ITPR2: variants seen among roughly 807,000 people sequenced by gnomAD.
ITPR2 encodes the protein inositol 1,4,5-trisphosphate-gated calcium channel ITPR2.
Under a neutral mutation model 317.1 loss-of-function variants are expected in ITPR2, and 207 were observed. The ratio of observed to expected loss-of-function variants is 0.65; its 90% confidence interval spans 0.58 to 0.73. The LOEUF (loss-of-function observed/expected upper bound fraction) is 0.73. Among genes scored for constraint, ITPR2 ranks in the 30% least tolerant of loss-of-function variants. The pLI, the probability that ITPR2 is intolerant of heterozygous loss-of-function variation, is 0.00. For missense variants in ITPR2, 2,613 were observed against 3,284.0 expected (o/e 0.80, Z 4.99); for synonymous variants, 1,156 against 1,149.1 (o/e 1.01, Z -0.12).
intron 34 of ITPR2, among the ~76,000 whole-genome samples, chr12:26,563,143 C>A (rs1212268183): frequency 6.6e-6 from 1 of 152,134 alleles, no homozygotes; most frequent in East Asian, 1.9e-4. Flanking sequence ...ACCTGGAGGA[C>A]AAAGTCAGAG....
intron 45 of ITPR2, among the ~76,000 whole-genome samples, chr12:26,463,804 C>T (rs548379149): frequency 6.6e-6 from 1 of 152,206 alleles, no homozygotes; most frequent in African/African-American, 2.4e-5. Flanking sequence ...TACTTAAAGT[C>T]CTTCAGAATT....
At chr12:26,439,792 C>T (rs181342117) in intron 46 of ITPR2, among the ~76,000 whole-genome samples, 6 of 152,174 alleles carry the variant, frequency 3.9e-5, no homozygotes, top group African/African-American at 1.2e-4. Context: ...CAGAGAAAAG[C>T]GCTTTATATC....
chr12:26,586,329 G>T (rs531618905), intron 32 of ITPR2, among the ~76,000 whole-genome samples: 1 of 151,996 alleles, frequency 6.6e-6, no homozygotes, highest in African/African-American at 2.4e-5. Context: ...GTAGAGACAG[G>T]CTCCCTCTAT....
At chr12:26,616,132 A>ATT (rs1946367741) in intron 26 of ITPR2, among the ~76,000 whole-genome samples, 1 of 86,670 alleles carries the variant, frequency 1.2e-5, no homozygotes, top group Non-Finnish European at 2.3e-5. Flanking sequence ...ATTTATTTTT[A>ATT]TTTTATTTTA....
Position 26,722,380 on chromosome 12 carries a change from A to G in ITPR2, c.525+17T>C. On this transcript the variant is annotated intron_variant, in intron 5 of 56. Transcript: ENST00000381340. ...TTTATGAACCCACTATTTCCCTCTT[A>G]ATTGTATATTACATACATTGTCACC... The G allele has an allele frequency of 6.3e-7, 1 of 1,589,502 alleles. No homozygotes were observed. Among genetic ancestry groups the G allele is most frequent in the Middle Eastern group, 1.7e-4 (1 of 5,964 alleles).
intron 34 of ITPR2, 141 bp downstream of exon 34, chr12:26,578,572 T>C: frequency 1.6e-6 from 1 of 623,648 alleles, no homozygotes; most frequent in Non-Finnish European, 2.6e-6. Flanking sequence ...AATCATTTGC[T>C]GATGGCTGCT....
chr12:26,686,333 C>T, intron 11 of ITPR2, 148 bp downstream of exon 11: 1 of 474,492 alleles, frequency 2.1e-6, no homozygotes, highest in Non-Finnish European at 3.5e-6. Flanking sequence ...TTAACCTCCT[C>T]ACAGAAGAGA....
chr12:26,358,761 G>A (rs541271912), intron 55 of ITPR2, among the ~76,000 whole-genome samples: 2 of 152,192 alleles, frequency 1.3e-5, no homozygotes, highest in African/African-American at 4.8e-5. Flanking sequence ...AAGTGATCCA[G>A]TCTCTGTCCC....
At chr12:26,529,057 T>A (rs75756355) in intron 37 of ITPR2, among the ~76,000 whole-genome samples, 1 of 152,306 alleles carries the variant, frequency 6.6e-6, no homozygotes, top group East Asian at 1.9e-4. Flanking sequence ...TAAGCCTCCA[T>A]CATGTCTCAG....
rs746459644 is a variant in ITPR2, at chr12:26,483,697, C to T, written c.6012+1G>A. 2 of 1,611,812 alleles carry T rather than the reference C, an allele frequency of 1.2e-6. No homozygotes were observed. Among genetic ancestry groups the T allele is most frequent in the East Asian group, 2.2e-5 (1 of 44,880 alleles). ...AATTAGTCATGGATACTTCTGGTTA[C>T]CTGATTTTCATGGCAAGGGCCCTGG... On this transcript the variant is annotated splice_donor_variant, in intron 42 of 56. Coordinates refer to ENST00000381340, the MANE Select transcript of ITPR2 (RefSeq NM_002223.4). LOFTEE classifies it high-confidence loss of function.
chr12:26,406,554 C>T (rs1344084249), intron 52 of ITPR2: 4 of 151,442 alleles, frequency 2.6e-5, no homozygotes, highest in African/African-American at 7.3e-5. Flanking sequence ...GGCCACTCTG[C>T]CTCCTAGTCA....
chr12:26,382,180 C>T (rs988104146), intron 55 of ITPR2, among the ~76,000 whole-genome samples: 1 of 152,066 alleles, frequency 6.6e-6, no homozygotes, highest in Non-Finnish European at 1.5e-5. Flanking sequence ...CCTGTATGGT[C>T]GCTCCTTTTC....
At chr12:26,788,920 G>T (rs728008) in intron 2 of ITPR2, among the ~76,000 whole-genome samples, 2 of 151,902 alleles carry the variant, frequency 1.3e-5, no homozygotes, top group South Asian at 2.1e-4. Flanking sequence ...CTTATCTTTT[G>T]GGTCATTTCA....
At chr12:26,628,838 T>G (rs539757897) in intron 22 of ITPR2, among the ~76,000 whole-genome samples, 1 of 152,278 alleles carries the variant, frequency 6.6e-6, no homozygotes, top group East Asian at 1.9e-4. Flanking sequence ...AATATAGCAC[T>G]GTTAGCATAA....
chr12:26,386,730 T>C (rs1390329756), intron 55 of ITPR2, among the ~76,000 whole-genome samples: 2 of 152,192 alleles, frequency 1.3e-5, no homozygotes, highest in African/African-American at 4.8e-5. Flanking sequence ...AACATTTATA[T>C]CAGATGTAAC....
At chr12:26,792,826 G>C (rs970087658) in intron 1 of ITPR2, among the ~76,000 whole-genome samples, 2 of 152,162 alleles carry the variant, frequency 1.3e-5, no homozygotes, top group African/African-American at 4.8e-5. Context: ...TGGGCAAGCT[G>C]ATTTCTCTCC....
At chr12:26,826,366 T>C (rs1565792004) in intron 1 of ITPR2, among the ~76,000 whole-genome samples, 1 of 151,912 alleles carries the variant, frequency 6.6e-6, no homozygotes, top group Non-Finnish European at 1.5e-5. Context: ...GGAAGAGAAA[T>C]TTGAGGGACT....
intron 45 of ITPR2, among the ~76,000 whole-genome samples, chr12:26,445,526 C>T (rs1026797305): frequency 2.0e-5 from 3 of 147,806 alleles, no homozygotes; most frequent in African/African-American, 8.0e-5. Flanking sequence ...AGGAACAAAA[C>T]CCCACGCAGC....
intron 23 of ITPR2, among the ~76,000 whole-genome samples, chr12:26,626,141 T>A (rs1290812770): frequency 6.6e-6 from 1 of 152,154 alleles, no homozygotes; most frequent in Non-Finnish European, 1.5e-5. Context: ...TTTTTGTATT[T>A]TTTTGTAGAG....
Sources: allele counts gnomAD v4.1 joint callset (sites outside exome capture counted in the v4.1 genomes callset), GRCh38; gene constraint gnomAD v4.1.1; transcripts MANE v1.5; gene names NCBI Gene and HGNC (gene_info 2026-07-23, HGNC 2026-07-21).